PATJ: variants seen among roughly 807,000 people sequenced by gnomAD.
The protein encoded by PATJ is PATJ crumbs cell polarity complex component, also known as inaD-like protein.
PATJ carries 190 observed loss-of-function variants against 224.9 expected under a neutral mutation model. The observed-to-expected ratio is 0.84, with a 90% CI of 0.75 to 0.95. The LOEUF (loss-of-function observed/expected upper bound fraction) is 0.95. Ranked by LOEUF, PATJ falls within the 40% of genes least tolerant of loss-of-function variation. PATJ has a pLI of 0.00. For synonymous variants in PATJ, 769 were observed against 820.3 expected (o/e 0.94, Z 1.07); for missense variants, 2,121 against 2,270.3 (o/e 0.93, Z 1.34).
chr1:62,003,032 A>C (rs1645881703), intron 28 of PATJ, among the ~76,000 whole-genome samples: 1 of 152,218 alleles, frequency 6.6e-6, no homozygotes, highest in African/African-American at 2.4e-5. Context: ...CTGTCTGCTT[A>C]GGTGGCTAAT....
intron 41 of PATJ, among the ~76,000 whole-genome samples, chr1:62,136,059 C>T (rs1666832410): frequency 9.7e-6 from 1 of 103,474 alleles, no homozygotes; most frequent in African/African-American, 3.6e-5. Flanking sequence ...CAGAGTTTCG[C>T]TCTTGTTACC....
chr1:62,042,028 A>G (rs1308099439), intron 30 of PATJ, among the ~76,000 whole-genome samples: 1 of 152,112 alleles, frequency 6.6e-6, no homozygotes, highest in Non-Finnish European at 1.5e-5. Flanking sequence ...TAATAAGAAA[A>G]TAAAGCAGGC....
chr1:61,823,947 T>C (rs960290400), intron 15 of PATJ, among the ~76,000 whole-genome samples: 1 of 152,200 alleles, frequency 6.6e-6, no homozygotes, highest in Admixed American at 6.5e-5. Context: ...GGTAGGGTAT[T>C]GGAGTCCTGT....
intron 34 of PATJ, among the ~76,000 whole-genome samples, chr1:62,110,706 A>G (rs1245869435): frequency 6.6e-6 from 1 of 152,106 alleles, no homozygotes; most frequent in African/African-American, 2.4e-5. Context: ...GATTTTCCCT[A>G]TGCAATAAAA....
At chr1:62,048,040 T>A (rs922292176) in intron 30 of PATJ, among the ~76,000 whole-genome samples, 3 of 152,232 alleles carry the variant, frequency 2.0e-5, no homozygotes, top group African/African-American at 7.2e-5. Context: ...CATGGCCCTT[T>A]CCCAGCTTTG....
chr1:62,152,568 T>C (rs1668735673), intron 42 of PATJ, among the ~76,000 whole-genome samples: 1 of 152,012 alleles, frequency 6.6e-6, no homozygotes, highest in Non-Finnish European at 1.5e-5. Context: ...GGAGAATTGC[T>C]TGAATCCGGG....
In PATJ at chr1:61,991,866, GA is replaced by G. The variant is rs770191036; in HGVS notation, c.3867+1505del. The G allele has an allele frequency of 1.4e-3, 498 of 352,952 alleles. 1 individual carries two copies. The highest frequency in any genetic ancestry group is 1.9e-3 in the Non-Finnish European group (469 of 251,734). The allele number at this position is 352,952 out of a possible 1,614,324, so 21.9% of individuals were successfully genotyped here. ...AAGTGATGCTGGTAGTAAAAATGAT[GA>G]AAGTTAGAGCCAGTGTACTCAGTTA... On this transcript the variant is annotated intron_variant, in intron 28 of 43. Transcript: ENST00000642238.
At chr1:62,042,857 G>A (rs1651778250) in intron 30 of PATJ, among the ~76,000 whole-genome samples, 1 of 152,080 alleles carries the variant, frequency 6.6e-6, no homozygotes, top group Non-Finnish European at 1.5e-5. Flanking sequence ...ATGTTACCAA[G>A]GCTGGTCTTG....
intron 27 of PATJ, among the ~76,000 whole-genome samples, chr1:61,968,696 C>G (rs1214141259): frequency 1.3e-5 from 2 of 152,060 alleles, no homozygotes; most frequent in African/African-American, 4.8e-5. Flanking sequence ...TCTCCTAATG[C>G]TATCCCTCCC....
At chr1:61,823,852 A>G (rs150720054) in intron 15 of PATJ, among the ~76,000 whole-genome samples, 145 of 152,286 alleles carry the variant, frequency 9.5e-4, no homozygotes, top group African/African-American at 3.3e-3. Flanking sequence ...CTAAAGGAGT[A>G]TAATGGGAAG....
intron 32 of PATJ, among the ~76,000 whole-genome samples, chr1:62,083,525 A>T (rs773238579): frequency 1.2e-4 from 19 of 152,232 alleles, no homozygotes; most frequent in Non-Finnish European, 2.4e-4. Flanking sequence ...TTCTTAGCCT[A>T]TAAACATTTT....
intron 1 of PATJ, among the ~76,000 whole-genome samples, chr1:61,762,293 G>T (rs1055276866): frequency 6.6e-6 from 1 of 151,920 alleles, no homozygotes; most frequent in Non-Finnish European, 1.5e-5. Flanking sequence ...TGCCTTTTTT[G>T]GGTCAGGTTT....
chr1:61,757,368 G>A (rs767369280), intron 1 of PATJ, among the ~76,000 whole-genome samples: 1 of 151,670 alleles, frequency 6.6e-6, no homozygotes, highest in Non-Finnish European at 1.5e-5. Context: ...CACTGCATTG[G>A]GCCCTATTTT....
At chr1:61,916,895 T>A (rs553208878) in intron 26 of PATJ, among the ~76,000 whole-genome samples, 1 of 152,180 alleles carries the variant, frequency 6.6e-6, no homozygotes, top group Admixed American at 6.5e-5. Context: ...AGTCAGTTCC[T>A]TGGGGGAGGT....
intron 22 of PATJ, among the ~76,000 whole-genome samples, chr1:61,897,923 A>G (rs755331557): frequency 6.6e-6 from 1 of 152,214 alleles, no homozygotes; most frequent in Non-Finnish European, 1.5e-5. Context: ...GACATCTGGT[A>G]GTGGGTGAGA....
intron 14 of PATJ, 55 bp downstream of exon 14, chr1:61,808,585 C>G (rs1354597395): frequency 9.0e-7 from 1 of 1,108,958 alleles, no homozygotes; most frequent in Admixed American, 1.8e-5. Flanking sequence ...GAGATAGGGT[C>G]TCACTATGTT....
At chr1:62,012,769 A>G (rs571849560) in intron 28 of PATJ, among the ~76,000 whole-genome samples, 1 of 152,348 alleles carries the variant, frequency 6.6e-6, no homozygotes, top group East Asian at 1.9e-4. Context: ...CCTAAAAGCG[A>G]ATGGCTGCAA....
At chr1:61,875,390 A>T (rs1182899315) in intron 21 of PATJ, 24 bp downstream of exon 21, 1 of 1,577,440 alleles carries the variant, frequency 6.3e-7, no homozygotes, top group Non-Finnish European at 8.6e-7. Flanking sequence ...GTTTCTCATA[A>T]ACACAAATTA....
rs148959530 is a variant in PATJ, at chr1:61,976,778, C to G, written c.3671-13390C>G. Among the ~76,000 whole-genome samples, 420 of 152,068 alleles carry G rather than the reference C, an allele frequency of 2.8e-3. 7 individuals are homozygous for G. The highest frequency in any genetic ancestry group is 9.7e-3 in the African/African-American group (401 of 41,368). ...ATAAAGAGAATAGTCAGCAAATTCTCCCATATGTTCTCCCAGGTTCAGTAA... is the reference window on the plus strand; with the variant it reads ...ATAAAGAGAATAGTCAGCAAATTCTGCCATATGTTCTCCCAGGTTCAGTAA... On this transcript the variant is annotated intron_variant, in intron 27 of 43. Coordinates refer to ENST00000642238, the MANE Select transcript of PATJ (RefSeq NM_001350145.3).
Sources: allele counts gnomAD v4.1 joint callset (sites outside exome capture counted in the v4.1 genomes callset), GRCh38; gene constraint gnomAD v4.1.1; transcripts MANE v1.5; gene names NCBI Gene and HGNC (gene_info 2026-07-23, HGNC 2026-07-21).